SLC24A2: variants seen among roughly 807,000 people sequenced by gnomAD.
The protein encoded by SLC24A2 is sodium/potassium/calcium exchanger 2.
SLC24A2 carries 36 observed loss-of-function variants against 62.0 expected under a neutral mutation model. The observed-to-expected ratio is 0.58, with a 90% CI of 0.44 to 0.77. The LOEUF is 0.77. SLC24A2 is among the 30% of genes least tolerant of loss of function. The pLI, the probability that SLC24A2 is intolerant of heterozygous loss-of-function variation, is 0.00. For missense variants in SLC24A2, 846 were observed against 817.9 expected, an observed-to-expected ratio of 1.03 and a Z score of -0.42; for synonymous variants, 358 against 294.0, an observed-to-expected ratio of 1.22 and a Z score of -2.23.
the SLC24A2 span, among the ~76,000 whole-genome samples, chr9:19,917,897 G>T: frequency 6.6e-6 from 1 of 152,062 alleles, no homozygotes. Context: ...TATAAGTGTG[G>T]ACAAAGGGAA....
At chr9:19,844,974 T>A in the SLC24A2 span, among the ~76,000 whole-genome samples, 1 of 146,476 alleles carries the variant, frequency 6.8e-6, no homozygotes, top group Non-Finnish European at 1.5e-5. Context: ...TTTTTTTTCC[T>A]GAGGATTGCC....
chr9:19,827,262 G>T, the SLC24A2 span, among the ~76,000 whole-genome samples: 1 of 152,058 alleles, frequency 6.6e-6, no homozygotes, highest in Non-Finnish European at 1.5e-5. Flanking sequence ...ATGAAGCTCT[G>T]ATTAGGTTCA....
In SLC24A2 at chr9:19,636,315, T is replaced by TTTTTTCTTTTCTTTTCTTTTCTTTTCC. The variant is rs1818327256; in HGVS notation, c.931-14017_931-14016insGGAAAAGAAAAGAAAAGAAAAGAAAAA. On this transcript the variant is annotated intron_variant, in intron 2 of 10. Transcript: ENST00000341998. Reference sequence around the variant, plus strand: ...TTTTCTTTTCTTTTCTTTTCTTTTCTTTTCTTTCTTTCTTTCTTTCTTTCT... The same window carrying TTTTTTCTTTTCTTTTCTTTTCTTTTCC: ...TTTTCTTTTCTTTTCTTTTCTTTTCTTTTTTCTTTTCTTTTCTTTTCTTTTCCTTTCTTTCTTTCTTTCTTTCTTTCT... Among the ~76,000 whole-genome samples, 2 of 40,328 alleles carry TTTTTTCTTTTCTTTTCTTTTCTTTTCC rather than the reference T, an allele frequency of 5.0e-5. 1 individual carries two copies. Among genetic ancestry groups the TTTTTTCTTTTCTTTTCTTTTCTTTTCC allele is most frequent in the Non-Finnish European group, 9.4e-5 (2 of 21,292 alleles). The allele number at this position is 40,328 out of a possible 152,430, so 26.5% of individuals were successfully genotyped here.
At chr9:19,809,665 C>A in the SLC24A2 span, among the ~76,000 whole-genome samples, 2 of 152,034 alleles carry the variant, frequency 1.3e-5, no homozygotes, top group Non-Finnish European at 1.5e-5. Flanking sequence ...ATGGCAGGAG[C>A]CAAGGGGAAA....
chr9:20,136,925 G>C, the SLC24A2 span, among the ~76,000 whole-genome samples: 3 of 152,100 alleles, frequency 2.0e-5, no homozygotes, highest in Non-Finnish European at 4.4e-5. Flanking sequence ...TTAAAAGCAA[G>C]AAGTGGAGAT....
intron 5 of SLC24A2, among the ~76,000 whole-genome samples, chr9:19,588,797 C>G (rs1836454758): frequency 6.6e-6 from 1 of 152,110 alleles, no homozygotes; most frequent in Non-Finnish European, 1.5e-5. Flanking sequence ...CCCGTCTCTA[C>G]TAAAAATACA....
In SLC24A2 at chr9:19,631,599, G is replaced by A. The variant is rs573265387; in HGVS notation, c.931-9300C>T. On this transcript the variant is annotated intron_variant, in intron 2 of 10. Transcript: ENST00000341998. ...GCCCACCAGTGTGCTGCCACCCCAC[G>A]GATGCTCTGCAAACATAGAAGTTTT... Among the ~76,000 whole-genome samples, 3 of 152,172 alleles carry A rather than the reference G, an allele frequency of 2.0e-5. No individual in the cohort carries two copies. The East Asian group carries it at 5.8e-4, about 29-fold the overall frequency.
At chr9:19,942,431 T>C in the SLC24A2 span, among the ~76,000 whole-genome samples, 1 of 152,186 alleles carries the variant, frequency 6.6e-6, no homozygotes, top group African/African-American at 2.4e-5. Context: ...TCAGGACTTA[T>C]GTCCAGGTGA....
chr9:19,850,961 A>ATG, the SLC24A2 span, among the ~76,000 whole-genome samples: 66 of 22,874 alleles, frequency 2.9e-3, 4 homozygotes, highest in African/African-American at 5.2e-3. Flanking sequence ...ATATATATAT[A>ATG]TATATGTATA....
At chr9:19,633,913 T>A (rs1025823820) in intron 2 of SLC24A2, among the ~76,000 whole-genome samples, 1 of 152,208 alleles carries the variant, frequency 6.6e-6, no homozygotes, top group Non-Finnish European at 1.5e-5. Context: ...CTCTAAAAAA[T>A]GGTTTCTGAC....
the SLC24A2 span, among the ~76,000 whole-genome samples, chr9:20,129,267 C>T: frequency 0.011 from 1,645 of 152,112 alleles, 24 homozygotes; most frequent in African/African-American, 0.037. Context: ...ATGAGAATGG[C>T]TATAATTTTA....
At chr9:19,540,334 C>T (rs879576427) in intron 8 of SLC24A2, among the ~76,000 whole-genome samples, 3,051 of 141,378 alleles carry the variant, frequency 0.022, 75 homozygotes, top group African/African-American at 0.055. Flanking sequence ...GATTTTGCAG[C>T]GGCTGGTACC....
the SLC24A2 span, among the ~76,000 whole-genome samples, chr9:20,161,699 T>C: frequency 6.6e-6 from 1 of 151,284 alleles, no homozygotes; most frequent in Non-Finnish European, 1.5e-5. Context: ...ATAAGAATGA[T>C]GCATATTTCT....
chr9:20,248,686 G>A, the SLC24A2 span, among the ~76,000 whole-genome samples: 1 of 152,020 alleles, frequency 6.6e-6, no homozygotes. Flanking sequence ...GCCACATTCA[G>A]TCTACACCGA....
At chr9:20,076,158 C>T in the SLC24A2 span, among the ~76,000 whole-genome samples, 545 of 152,044 alleles carry the variant, frequency 3.6e-3, 1 homozygote, top group Middle Eastern at 0.01. Flanking sequence ...CCTATGGATA[C>T]AGAGGGCCGG....
At chr9:20,208,665 T>C in the SLC24A2 span, among the ~76,000 whole-genome samples, 3 of 152,130 alleles carry the variant, frequency 2.0e-5, 1 homozygote, top group African/African-American at 7.2e-5. Flanking sequence ...TCATGACCCA[T>C]AAATAAAGGA....
the SLC24A2 span, among the ~76,000 whole-genome samples, chr9:20,156,237 A>G: frequency 6.6e-6 from 1 of 151,852 alleles, no homozygotes; most frequent in African/African-American, 2.4e-5. Flanking sequence ...GGCAAAATAC[A>G]TATAGACTCT....
upstream of SLC24A2, among the ~76,000 whole-genome samples, chr9:19,793,553 G>T (rs1823344467): frequency 6.6e-6 from 1 of 152,162 alleles, no homozygotes; most frequent in African/African-American, 2.4e-5. Flanking sequence ...TGGAAAAAGG[G>T]AACTGATATG....
intron 2 of SLC24A2, among the ~76,000 whole-genome samples, chr9:19,727,149 G>A (rs1016712347): frequency 1.3e-5 from 2 of 152,122 alleles, no homozygotes; most frequent in Non-Finnish European, 2.9e-5. Context: ...ACCATTCCTA[G>A]GTTCTTCCTA....
Sources: allele counts gnomAD v4.1 joint callset (sites outside exome capture counted in the v4.1 genomes callset), GRCh38; gene constraint gnomAD v4.1.1; transcripts MANE v1.5; gene names NCBI Gene and HGNC (gene_info 2026-07-23, HGNC 2026-07-21).